The following BRINP1 variants were observed in gnomAD, a reference collection of about 807,000 sequenced individuals.
The protein encoded by BRINP1 is BMP/retinoic acid inducible neural specific 1, also known as BMP/retinoic acid-inducible neural-specific protein 1.
In BRINP1, 17 loss-of-function variants were observed where a neutral mutation model predicts 72.9. That is an observed-to-expected ratio of 0.23 (90% CI 0.16 to 0.35). BRINP1 has a LOEUF of 0.35. Among genes scored for constraint, BRINP1 ranks in the 10% least tolerant of loss-of-function variants. The probability of loss-of-function intolerance (pLI) is 1.00; values close to 1 mark genes in which losing one functional copy is unlikely to be tolerated. For missense variants in BRINP1, 850 were observed against 1,001.6 expected (o/e 0.85, Z 2.04); for synonymous variants, 418 against 378.5 (o/e 1.10, Z -1.21).
intron 5 of BRINP1, among the ~76,000 whole-genome samples, chr9:119,236,266 T>G (rs1157802441): frequency 2.0e-5 from 3 of 152,182 alleles, no homozygotes; most frequent in Non-Finnish European, 2.9e-5. Flanking sequence ...CCATCTAGGG[T>G]AGGACAGTAG....
chr9:119,213,561 T>TAC, intron 6 of BRINP1: 1 of 445,616 alleles, frequency 2.2e-6, no homozygotes, highest in Non-Finnish European at 4.0e-6. Context: ...CACAAACACA[T>TAC]ACACACACAA....
Position 119,209,219 on chromosome 9 carries a change from C to T in BRINP1, c.923-278G>A, listed in dbSNP as rs76512557. On this transcript the variant is annotated intron_variant, in intron 6 of 7. Coordinates refer to ENST00000265922, the MANE Select transcript of BRINP1 (RefSeq NM_014618.3). ...GGAATACCAACCTCATAGTAATATT[C>T]GTATATTATTACATTTACTTAACAT... 9.6e-3 allele frequency among the ~76,000 whole-genome samples: 1,459 copies of T among 152,226 alleles called. 23 individuals are homozygous for T. The highest frequency in any genetic ancestry group is 0.032 in the African/African-American group (1,311 of 41,522).
intron 2 of BRINP1, among the ~76,000 whole-genome samples, chr9:119,286,238 CT>C (rs111384115): frequency 3.9e-4 from 58 of 147,392 alleles, no homozygotes; most frequent in Non-Finnish European, 4.3e-4. Flanking sequence ...TATCTTTCAT[CT>C]TTTTTTTTTT....
intron 2 of BRINP1, among the ~76,000 whole-genome samples, chr9:119,272,095 A>C (rs1457248695): frequency 5.0e-5 from 7 of 138,668 alleles, no homozygotes; most frequent in Non-Finnish European, 7.4e-5. Context: ...TTGAGACAAA[A>C]AAAAAAAAAA....
At chr9:119,328,332 A>C (rs780710794) in intron 1 of BRINP1, among the ~76,000 whole-genome samples, 1 of 152,228 alleles carries the variant, frequency 6.6e-6, no homozygotes, top group Non-Finnish European at 1.5e-5. Context: ...TAAGGCATGA[A>C]TGGGATGTGA....
At chr9:119,352,072 ACAGGTGTGAGCCACCACACC>A (rs1317862915) in intron 1 of BRINP1, among the ~76,000 whole-genome samples, 1 of 152,146 alleles carries the variant, frequency 6.6e-6, no homozygotes, top group Non-Finnish European at 1.5e-5. Flanking sequence ...TTCTGGGATT[ACAGGTGTGAGCCACCACACC>A]CAGCCTGCTT....
chr9:119,358,634 C>T, intron 1 of BRINP1, among the ~76,000 whole-genome samples: 1 of 152,070 alleles, frequency 6.6e-6, no homozygotes, highest in Middle Eastern at 3.2e-3. Flanking sequence ...GCGGAGGTTG[C>T]AGTGAGCTGG....
At chr9:119,250,402 T>C (rs1433635373) in intron 2 of BRINP1, among the ~76,000 whole-genome samples, 1 of 152,172 alleles carries the variant, frequency 6.6e-6, no homozygotes, top group East Asian at 1.9e-4. Flanking sequence ...GACACCAAAT[T>C]TGGAAGTCCA....
chr9:119,167,493 G>T lies in BRINP1; in HGVS notation c.1877C>A (p.Pro626His). Residue 626 changes from proline to histidine, a missense_variant, in exon 8 of 8, where the codon CCT becomes CAT. Pro to His is a moderately conservative substitution (Grantham distance 77, BLOSUM62 -2). Transcript: ENST00000265922. This position sits in a 1 kb window ranked among gnomAD's most constrained non-coding sequence, Gnocchi z 4.3. Reference protein sequence around the residue: ...HIYLRSRTRLPTLLRNETGQG... With the variant: ...HIYLRSRTRLHTLLRNETGQG... ...GCCAGTCTCATTTCGCAGTAGGGTA[G>T]GTAGCCGAGTCCGACTACGTAGGTA... is the stretch of plus-strand genomic sequence containing the variant. The T allele has an allele frequency of 6.2e-7, 1 of 1,614,168 alleles. No homozygotes were observed. The highest frequency in any genetic ancestry group is 8.5e-7 in the Non-Finnish European group (1 of 1,180,022).
At chr9:119,277,001 T>G (rs1316722790) in intron 2 of BRINP1, among the ~76,000 whole-genome samples, 1 of 152,158 alleles carries the variant, frequency 6.6e-6, no homozygotes, top group Admixed American at 6.5e-5. Flanking sequence ...TGGAAACCAC[T>G]ATTCTGCCGT....
chr9:119,168,796 G>GT (rs1257580476), intron 7 of BRINP1, among the ~76,000 whole-genome samples: 2 of 152,148 alleles, frequency 1.3e-5, no homozygotes, highest in Admixed American at 6.5e-5. Flanking sequence ...CCTCATGGTG[G>GT]TTTTTTAGAA....
At chr9:119,350,031 G>A (rs2119031802) in intron 1 of BRINP1, among the ~76,000 whole-genome samples, 1 of 152,218 alleles carries the variant, frequency 6.6e-6, no homozygotes, top group East Asian at 1.9e-4. Flanking sequence ...GCAGTTTCAG[G>A]ATCACTCAAA....
At chr9:119,185,410 C>T (rs561568771) in intron 7 of BRINP1, among the ~76,000 whole-genome samples, 1 of 152,270 alleles carries the variant, frequency 6.6e-6, no homozygotes, top group African/African-American at 2.4e-5. Context: ...GACAATCTTG[C>T]ATAACAAAAT....
chr9:119,208,414 T>A (rs3860149), intron 7 of BRINP1, among the ~76,000 whole-genome samples: 123,939 of 152,120 alleles, frequency 0.81, 50,618 homozygotes, highest in Middle Eastern at 0.9. Flanking sequence ...AATATATTTT[T>A]AACAGCCAGG....
Position 119,318,836 on chromosome 9 carries a change from A to ATG in BRINP1, c.-50-5433_-50-5432dup, listed in dbSNP as rs149660156. On this transcript the variant is annotated intron_variant, in intron 1 of 7. Transcript: ENST00000265922. Reference sequence around the variant, plus strand: ...GAACAAGGTCATACATGGAAGAGAAATGTGTGGGGTGTGTGTGTGTGTGTG... The same window carrying ATG: ...GAACAAGGTCATACATGGAAGAGAAATGTGTGTGGGGTGTGTGTGTGTGTGTG... Among the ~76,000 whole-genome samples the ATG allele has an allele frequency of 7.6e-3, 895 of 117,642 alleles. 8 individuals carry two copies. Among genetic ancestry groups the ATG allele is most frequent in the African/African-American group, 0.022 (729 of 32,762 alleles). 77.2% of individuals were successfully genotyped at this position (117,642 alleles called of 152,430 possible). A position where few individuals can be genotyped will look rare whatever the true frequency, so the allele number is the denominator to read the frequency against.
intron 7 of BRINP1, among the ~76,000 whole-genome samples, chr9:119,200,430 T>C (rs928322532): frequency 3.9e-5 from 6 of 151,954 alleles, no homozygotes; most frequent in Admixed American, 2.0e-4. Context: ...GAGACCAACA[T>C]GGGCAACATA....
At chr9:119,333,456 T>A (rs13294954) in intron 1 of BRINP1, among the ~76,000 whole-genome samples, 1 of 143,278 alleles carries the variant, frequency 7.0e-6, no homozygotes. Flanking sequence ...GAGTGAGACC[T>A]TGTTTCAAAA....
chr9:119,243,923 A>T (rs192787626), intron 3 of BRINP1, among the ~76,000 whole-genome samples: 320 of 152,304 alleles, frequency 2.1e-3, no homozygotes, highest in Admixed American at 3.8e-3. Flanking sequence ...AAGAGTGGGC[A>T]CCTGCATCCT....
chr9:119,264,486 A>ACCCC (rs1473759123), intron 2 of BRINP1, among the ~76,000 whole-genome samples: 56 of 152,288 alleles, frequency 3.7e-4, no homozygotes, highest in African/African-American at 1.3e-3. Context: ...ACAAATAGGA[A>ACCCC]ACTCTCTCGA....
Sources: gnomAD v4.1 joint callset for allele counts (sites outside exome capture counted in the v4.1 genomes callset) on GRCh38, gnomAD v4.1.1 for gene constraint, Gnocchi (gnomAD v3.1) non-coding constraint, MANE v1.5 for transcripts, NCBI Gene and HGNC (gene_info 2026-07-23, HGNC 2026-07-21) for gene names.